Variants in VSIG1 observed in about 807,000 individuals in gnomAD.
VSIG1 encodes the protein V-set and immunoglobulin domain-containing protein 1.
In VSIG1, 11 loss-of-function variants were observed where a neutral mutation model predicts 20.1. The observed-to-expected ratio is 0.55, with a 90% CI of 0.34 to 0.91. VSIG1 has a LOEUF of 0.91. VSIG1 is among the 40% of genes least tolerant of loss of function. VSIG1 has a pLI of 0.02. For synonymous variants in VSIG1, 126 were observed against 116.7 expected (o/e 1.08, Z -0.52); for missense variants, 283 against 298.8 (o/e 0.95, Z 0.39).
At chrX:108,024,552 G>C in the VSIG1 span, among the ~76,000 whole-genome samples, 2 of 109,060 alleles carry the variant, frequency 1.8e-5, no homozygotes, top group East Asian at 5.7e-4. Context: ...ATCAATTACA[G>C]ATCTTTCTTC....
chrX:108,024,733 A>C, the VSIG1 span, among the ~76,000 whole-genome samples: 1 of 110,672 alleles, frequency 9.0e-6, no homozygotes, highest in Non-Finnish European at 1.9e-5. Flanking sequence ...AGTAGTGTTT[A>C]GTTTTCACTT....
At chrX:108,032,296 CA>C in the VSIG1 span, among the ~76,000 whole-genome samples, 3 of 112,210 alleles carry the variant, frequency 2.7e-5, no homozygotes, top group Non-Finnish European at 5.6e-5. Context: ...TATATGTTTA[CA>C]AAGCCACTTT....
chrX:108,031,113 C>T, the VSIG1 span, among the ~76,000 whole-genome samples: 3 of 111,695 alleles, frequency 2.7e-5, no homozygotes, highest in Admixed American at 9.5e-5. Flanking sequence ...CCAAATACTC[C>T]TCCGCATCCC....
At chrX:108,022,941 C>T in the VSIG1 span, among the ~76,000 whole-genome samples, 1 of 111,854 alleles carries the variant, frequency 8.9e-6, no homozygotes, top group East Asian at 2.8e-4. Context: ...ACATCTGCCC[C>T]CACTTCACCT....
At chrX:108,049,559 G>A (rs933630424) in intron 1 of VSIG1, among the ~76,000 whole-genome samples, 3 of 111,651 alleles carry the variant, frequency 2.7e-5, no homozygotes, top group African/African-American at 9.8e-5. Flanking sequence ...CTTCAAAGGG[G>A]GTTTGTGGGG....
chrX:108,061,334 C>G, intron 2 of VSIG1: 1 of 597,580 alleles, frequency 1.7e-6, no homozygotes, highest in African/African-American at 2.2e-5. Context: ...CATCAGTGGT[C>G]ACACTGAGAG....
rs771576390 is a variant in VSIG1 at position 108,045,196 on chromosome X, CA to C, written c.49+20del. 2.1e-5 allele frequency: 24 copies of C among 1,154,763 alleles called. No individual in the cohort carries two copies. Among genetic ancestry groups the C allele is most frequent in the Non-Finnish European group, 2.8e-5 (24 of 861,589 alleles). ...GCCTTGCAGGTAAGGAAAGGATCTC[CA>C]AACCACCAAATATAATTGGAAACAG... On this transcript the variant is annotated intron_variant, in intron 1 of 6. Transcript: ENST00000217957.
At position 108,077,582 on chromosome X, in the gene VSIG1, A is replaced by C. The variant is rs1410428633; in HGVS notation, c.*201A>C. 2 of 406,101 alleles carry C rather than the reference A, an allele frequency of 4.9e-6. No individual in the cohort carries two copies. The highest frequency in any genetic ancestry group is 5.0e-5 in the African/African-American group (2 of 40,033). 33.5% of individuals were successfully genotyped at this position (406,101 alleles called of 1,213,427 possible). ...AAGGGTTCCTGTATTACCAATATAGAATACTAACAATTTTACTAACACGTA... is the reference window on the plus strand; with the variant it reads ...AAGGGTTCCTGTATTACCAATATAGCATACTAACAATTTTACTAACACGTA... On this transcript the variant is annotated 3_prime_UTR_variant, in exon 7 of 7. Coordinates refer to ENST00000217957, the MANE Select transcript of VSIG1 (RefSeq NM_182607.5).
At chrX:108,045,036 A>C (rs768679322), upstream of VSIG1, 138 of 749,739 alleles carry the variant, frequency 1.8e-4, no homozygotes, top group Middle Eastern at 6.3e-4. Flanking sequence ...CAGATAAGCC[A>C]GGCAAACCTC....
chrX:108,044,197 G>C (rs1256308539), upstream of VSIG1, among the ~76,000 whole-genome samples: 3 of 111,240 alleles, frequency 2.7e-5, no homozygotes, highest in African/African-American at 9.8e-5. Flanking sequence ...GAAATGATAG[G>C]ACTTAGAAAT....
At chrX:108,061,655 C>G in intron 2 of VSIG1, 1 of 556,484 alleles carries the variant, frequency 1.8e-6, no homozygotes, top group Non-Finnish European at 3.0e-6. Context: ...AAGATCAGCA[C>G]AAGCCCCTGA....
At chrX:108,064,379 G>A (rs1463013812) in intron 2 of VSIG1, among the ~76,000 whole-genome samples, 1 of 111,792 alleles carries the variant, frequency 8.9e-6, no homozygotes, top group African/African-American at 3.3e-5. Flanking sequence ...TGAGGAGCTA[G>A]CATGTAAGAG....
the VSIG1 span, among the ~76,000 whole-genome samples, chrX:108,022,023 G>T: frequency 9.0e-6 from 1 of 111,125 alleles, no homozygotes; most frequent in African/African-American, 3.3e-5. Context: ...AGATTGCTTT[G>T]GTTTTTTTTA....
chrX:108,023,473 C>T, the VSIG1 span, among the ~76,000 whole-genome samples: 1 of 112,154 alleles, frequency 8.9e-6, no homozygotes, highest in African/African-American at 3.2e-5. Flanking sequence ...TGAATTGAAA[C>T]ATGTTAACTG....
intron 3 of VSIG1, 128 bp downstream of exon 3, chrX:108,067,262 A>C: frequency 5.7e-6 from 4 of 706,528 alleles, no homozygotes; most frequent in Non-Finnish European, 8.4e-6. Flanking sequence ...TTTCATTATC[A>C]GGGAAATAGA....
chrX:108,033,614 G>A, the VSIG1 span, among the ~76,000 whole-genome samples: 2 of 111,801 alleles, frequency 1.8e-5, no homozygotes, highest in African/African-American at 6.5e-5. Context: ...CATCTCCAGG[G>A]GTAAAGGAGC....
chrX:108,057,723 C>A (rs1424447073), intron 1 of VSIG1, among the ~76,000 whole-genome samples: 1 of 111,824 alleles, frequency 8.9e-6, no homozygotes, highest in Non-Finnish European at 1.9e-5. Context: ...TACTACCAGA[C>A]AGTTTTGGGT....
At chrX:108,026,405 T>A in the VSIG1 span, among the ~76,000 whole-genome samples, 2 of 111,304 alleles carry the variant, frequency 1.8e-5, no homozygotes, top group African/African-American at 6.5e-5. Context: ...AGTATGAGAT[T>A]TGACGTTAAT....
upstream of VSIG1, among the ~76,000 whole-genome samples, chrX:108,042,884 C>A (rs1308005292): frequency 8.9e-6 from 1 of 111,897 alleles, no homozygotes; most frequent in Non-Finnish European, 1.9e-5. Context: ...ATAGCACAAA[C>A]AGGTTGGAGA....
Sources: gnomAD v4.1 joint callset for allele counts (sites outside exome capture counted in the v4.1 genomes callset) on GRCh38, gnomAD v4.1.1 for gene constraint, MANE v1.5 for transcripts, NCBI Gene and HGNC (gene_info 2026-07-23, HGNC 2026-07-21) for gene names.